The following PTPRD variants were observed in gnomAD, a reference collection of about 807,000 sequenced individuals.
PTPRD encodes receptor-type tyrosine-protein phosphatase delta.
PTPRD carries 34 observed loss-of-function variants against 214.5 expected under a neutral mutation model. That is an observed-to-expected ratio of 0.16 (90% CI 0.12 to 0.21). The LOEUF (loss-of-function observed/expected upper bound fraction) is 0.21. Among genes scored for constraint, PTPRD ranks in the 10% least tolerant of loss-of-function variants. The pLI is 1.00. For synonymous variants in PTPRD, 1,128 were observed against 845.7 expected, an observed-to-expected ratio of 1.33 and a Z score of -5.79; for missense variants, 2,545 against 2,398.7, an observed-to-expected ratio of 1.06 and a Z score of -1.27.
intron 10 of PTPRD, among the ~76,000 whole-genome samples, chr9:9,112,342 G>T (rs1369306056): frequency 5.3e-5 from 8 of 152,104 alleles, no homozygotes; most frequent in Non-Finnish European, 2.9e-5. Flanking sequence ...GGGGATCTGA[G>T]ACACTTCTTA....
intron 11 of PTPRD, among the ~76,000 whole-genome samples, chr9:8,865,629 C>T (rs1046305961): frequency 7.9e-5 from 12 of 152,110 alleles, no homozygotes; most frequent in South Asian, 4.2e-4. Flanking sequence ...AAATTGTGAG[C>T]GTCTTCACAC....
At chr9:9,032,195 C>G (rs549946462) in intron 10 of PTPRD, among the ~76,000 whole-genome samples, 224 of 152,024 alleles carry the variant, frequency 1.5e-3, no homozygotes, top group Non-Finnish European at 2.6e-3. Flanking sequence ...AACAAAGCCC[C>G]TAAAAATGAT....
At chr9:9,287,228 A>AC (rs377094298) in intron 9 of PTPRD, among the ~76,000 whole-genome samples, 17 of 151,586 alleles carry the variant, frequency 1.1e-4, no homozygotes, top group African/African-American at 4.1e-4. Flanking sequence ...CTGTCATCCC[A>AC]CCCCAAAACA....
At chr9:10,407,998 T>C (rs1253904405) in intron 2 of PTPRD, among the ~76,000 whole-genome samples, 1 of 151,608 alleles carries the variant, frequency 6.6e-6, no homozygotes, top group Non-Finnish European at 1.5e-5. Context: ...TAAGATCTTA[T>C]ATGTTACATG....
At chr9:9,449,476 C>G (rs1215865786) in intron 8 of PTPRD, among the ~76,000 whole-genome samples, 1 of 151,934 alleles carries the variant, frequency 6.6e-6, no homozygotes, top group Non-Finnish European at 1.5e-5. Context: ...TGTTTAACAG[C>G]AGGTCATAAT....
At chr9:8,363,730 C>T (rs1200157579) in intron 39 of PTPRD, among the ~76,000 whole-genome samples, 2 of 152,160 alleles carry the variant, frequency 1.3e-5, no homozygotes, top group South Asian at 4.1e-4. Flanking sequence ...GATGGGATAA[C>T]TTGGAAGGTC....
chr9:9,234,785 A>ACTT (rs961423232), intron 9 of PTPRD, among the ~76,000 whole-genome samples: 2 of 152,130 alleles, frequency 1.3e-5, no homozygotes, highest in African/African-American at 4.8e-5. Flanking sequence ...CTCAGCCTGG[A>ACTT]CTTCATTGTC....
chr9:9,974,014 G>C (rs1037257387), intron 4 of PTPRD, among the ~76,000 whole-genome samples: 1 of 152,110 alleles, frequency 6.6e-6, no homozygotes, highest in South Asian at 2.1e-4. Context: ...CCCATCATAG[G>C]AATTTAGAAA....
At chr9:8,686,687 T>C (rs1323379261) in intron 12 of PTPRD, among the ~76,000 whole-genome samples, 2 of 152,144 alleles carry the variant, frequency 1.3e-5, no homozygotes, top group Admixed American at 6.5e-5. Context: ...AACTTGGCTC[T>C]ACCAAGCCAC....
intron 11 of PTPRD, among the ~76,000 whole-genome samples, chr9:8,974,406 T>A (rs2154335325): frequency 6.6e-6 from 1 of 152,222 alleles, no homozygotes; most frequent in South Asian, 2.1e-4. Flanking sequence ...AATTTTATTT[T>A]ATTTATTATA....
chr9:9,858,640 T>C (rs1301665387), intron 5 of PTPRD, among the ~76,000 whole-genome samples: 7 of 152,166 alleles, frequency 4.6e-5, no homozygotes, highest in Admixed American at 1.3e-4. Flanking sequence ...TAATTATTAG[T>C]ATAGGTAAAC....
chr9:8,952,002 A>G (rs1316561779), intron 11 of PTPRD, among the ~76,000 whole-genome samples: 2 of 151,990 alleles, frequency 1.3e-5, no homozygotes, highest in Non-Finnish European at 2.9e-5. Flanking sequence ...ATTCATGAAT[A>G]TACATAATAT....
Position 9,646,302 on chromosome 9 carries a change from GGTGT to G in PTPRD, c.-286-71525_-286-71522del, listed in dbSNP as rs890972498. On this transcript the variant is annotated intron_variant, in intron 7 of 45. Coordinates refer to ENST00000381196, the MANE Select transcript of PTPRD (RefSeq NM_002839.4). The stretch of plus-strand genomic sequence containing the variant: ...ATTGTAGGGTGACCATTTTGGGAGG[GGTGT>G]GTGTGTGTGTGGGTGTGTGTGTGTG... 7.4e-3 allele frequency among the ~76,000 whole-genome samples: 1,058 copies of G among 142,398 alleles called. 10 individuals carry two copies. Among genetic ancestry groups the G allele is most frequent in the African/African-American group, 0.028 (1,024 of 36,962 alleles). The allele number at this position is 142,398 out of a possible 152,430, so 93.4% of individuals were successfully genotyped here.
At chr9:9,008,832 T>C (rs1387829932) in intron 11 of PTPRD, among the ~76,000 whole-genome samples, 1 of 152,188 alleles carries the variant, frequency 6.6e-6, no homozygotes, top group African/African-American at 2.4e-5. Context: ...TAAAACCTTA[T>C]GTTTTTCCTC....
chr9:8,867,998 C>T (rs1021298258), intron 11 of PTPRD, among the ~76,000 whole-genome samples: 4 of 152,106 alleles, frequency 2.6e-5, no homozygotes, highest in Non-Finnish European at 5.9e-5. Context: ...TATATTCTAT[C>T]ATATTGTCTA....
At chr9:9,695,612 T>C (rs1564597208) in intron 7 of PTPRD, among the ~76,000 whole-genome samples, 2 of 152,176 alleles carry the variant, frequency 1.3e-5, no homozygotes, top group East Asian at 3.9e-4. Flanking sequence ...TTATTACAAG[T>C]TGGTGTTAAT....
intron 9 of PTPRD, among the ~76,000 whole-genome samples, chr9:9,332,600 C>T (rs971342685): frequency 6.7e-6 from 1 of 150,094 alleles, no homozygotes; most frequent in Non-Finnish European, 1.5e-5. Context: ...AACCTCTATA[C>T]TGAGCTTGGG....
intron 9 of PTPRD, among the ~76,000 whole-genome samples, chr9:9,308,937 T>C (rs1958002130): frequency 6.6e-6 from 1 of 152,162 alleles, no homozygotes; most frequent in Admixed American, 6.5e-5. Flanking sequence ...GTGAGATTTA[T>C]ATACTAGCAC....
At chr9:8,398,797 C>T (rs1204562643) in intron 36 of PTPRD, among the ~76,000 whole-genome samples, 1 of 152,166 alleles carries the variant, frequency 6.6e-6, no homozygotes, top group African/African-American at 2.4e-5. Flanking sequence ...AGGCTGCTGG[C>T]ACCTTGATCT....
Sources: gnomAD v4.1 joint callset for allele counts (sites outside exome capture counted in the v4.1 genomes callset) on GRCh38, gnomAD v4.1.1 for gene constraint, MANE v1.5 for transcripts, NCBI Gene and HGNC (gene_info 2026-07-23, HGNC 2026-07-21) for gene names.